Variants in B4GALT6 observed in about 807,000 individuals in gnomAD.
The protein encoded by B4GALT6 is beta-1,4-galactosyltransferase 6, also known as UDP-Gal:beta-GlcNAc beta-1,4-galactosyltransferase 6.
Under a neutral mutation model 46.3 loss-of-function variants are expected in B4GALT6, and 14 were observed. The ratio of observed to expected loss-of-function variants is 0.30; its 90% CI spans 0.20 to 0.47. The LOEUF (loss-of-function observed/expected upper bound fraction) is 0.47. Ranked by LOEUF, B4GALT6 falls within the 20% of genes least tolerant of loss-of-function variation. B4GALT6 has a pLI of 0.99. For synonymous variants in B4GALT6, 168 were observed against 162.0 expected, an observed-to-expected ratio of 1.04 and a Z score of -0.28; for missense variants, 386 against 480.1, an observed-to-expected ratio of 0.80 and a Z score of 1.83.
At chr18:31,681,866 C>T (rs2074483767) in intron 1 of B4GALT6, among the ~76,000 whole-genome samples, 1 of 152,184 alleles carries the variant, frequency 6.6e-6, no homozygotes, top group African/African-American at 2.4e-5. Flanking sequence ...TTACAACATA[C>T]ATTTTAGTCA....
At chr18:31,647,592 T>G (rs1020542586) in intron 3 of B4GALT6, among the ~76,000 whole-genome samples, 4 of 152,138 alleles carry the variant, frequency 2.6e-5, no homozygotes, top group Non-Finnish European at 5.9e-5. Context: ...GGTGGCATGC[T>G]ACCCATGATA....
At chr18:31,639,680 T>C (rs1191927808) in intron 4 of B4GALT6, among the ~76,000 whole-genome samples, 1 of 152,162 alleles carries the variant, frequency 6.6e-6, no homozygotes, top group Non-Finnish European at 1.5e-5. Context: ...CCAGAGAAAT[T>C]TGTTCTCATA....
chr18:31,692,475 T>C, the B4GALT6 span, among the ~76,000 whole-genome samples: 1 of 152,214 alleles, frequency 6.6e-6, no homozygotes, highest in South Asian at 2.1e-4. Context: ...TGAGCAATTT[T>C]CATACACTTT....
chr18:31,685,366 A>C (rs2074534840), upstream of B4GALT6, among the ~76,000 whole-genome samples: 1 of 151,572 alleles, frequency 6.6e-6, no homozygotes, highest in South Asian at 2.1e-4. Context: ...GTCTGGTTGG[A>C]GAAAGAGGCG....
At chr18:31,659,613 T>C (rs2074187185) in intron 2 of B4GALT6, among the ~76,000 whole-genome samples, 1 of 152,108 alleles carries the variant, frequency 6.6e-6, no homozygotes. Context: ...GGTGTTAAGG[T>C]AAATGCATTC....
chr18:31,628,544 A>G (rs1035179516), intron 6 of B4GALT6, among the ~76,000 whole-genome samples: 1 of 152,238 alleles, frequency 6.6e-6, no homozygotes, highest in Non-Finnish European at 1.5e-5. Flanking sequence ...CAGATAAACT[A>G]AAGAAGAGAA....
chr18:31,635,187 C>T (rs750044564), intron 5 of B4GALT6, among the ~76,000 whole-genome samples: 17 of 151,868 alleles, frequency 1.1e-4, no homozygotes, highest in African/African-American at 1.9e-4. Flanking sequence ...GCCGAGATCA[C>T]GCCACTGCAC....
At chr18:31,700,468 T>TGAGTGTGTGTGTGA in the B4GALT6 span, among the ~76,000 whole-genome samples, 118 of 148,388 alleles carry the variant, frequency 8.0e-4, no homozygotes, top group Admixed American at 1.3e-3. Flanking sequence ...TGTGTGTGTG[T>TGAGTGTGTGTGTGA]GAGAGAGAGA....
At chr18:31,635,970 A>G (rs2073853219) in intron 5 of B4GALT6, among the ~76,000 whole-genome samples, 5 of 152,230 alleles carry the variant, frequency 3.3e-5, no homozygotes. Context: ...GTAGAAACTG[A>G]CAAGCAGAGT....
chr18:31,721,088 T>G, the B4GALT6 span, among the ~76,000 whole-genome samples: 4 of 152,012 alleles, frequency 2.6e-5, no homozygotes, highest in Admixed American at 2.6e-4. Context: ...CAAGCTGCAC[T>G]TTAGGAAGTT....
chr18:31,684,592 G>C (rs1598940783), upstream of B4GALT6: 1 of 1,385,516 alleles, frequency 7.2e-7, no homozygotes, highest in East Asian at 2.8e-5. Context: ...GAAATGGGAG[G>C]GAGCGGACGG....
intron 5 of B4GALT6, 21 bp from the exon 6 acceptor site, chr18:31,631,167 GA>G (rs1376763973): frequency 6.6e-7 from 1 of 1,517,098 alleles, no homozygotes; most frequent in Non-Finnish European, 8.9e-7. Flanking sequence ...CAGACCGAGA[GA>G]AAAAAATAGA....
chr18:31,623,248 T>A lies in B4GALT6; in HGVS notation c.*2366A>T, dbSNP rs1372579644. ...AGATAAACGGGCACAGCTCTGTCAC[T>A]CTCACAGAAACATATTAAGTTCACT... On this transcript the variant is annotated 3_prime_UTR_variant, in exon 9 of 9. Coordinates refer to ENST00000306851, the MANE Select transcript of B4GALT6 (RefSeq NM_004775.5). 2.0e-5 allele frequency: 3 copies of A among 152,098 alleles called. No individual in the cohort carries two copies. Among genetic ancestry groups the A allele is most frequent in the African/African-American group, 7.2e-5 (3 of 41,424 alleles). 9.4% of individuals were successfully genotyped at this position (152,098 alleles called of 1,614,324 possible). A position where few individuals can be genotyped will look rare whatever the true frequency, so the allele number is the denominator to read the frequency against.
At position 31,666,326 on chromosome 18, in the gene B4GALT6, T is replaced by C; in HGVS notation, c.162A>G (p.Arg54=). ...TATGACCTATTGTTTTCACATTTTC[T>C]CTCAACATTATACCTCGAGCTTGTA... ...FMVQARGIML[R]ENVKTIGHMI... The change falls in exon 2 of 9, where the codon AGA becomes AGG. Residue 54 remains arginine, a synonymous_variant. Coordinates refer to ENST00000306851, the MANE Select transcript of B4GALT6 (RefSeq NM_004775.5). 6.2e-7 allele frequency: 1 copy of C among 1,610,936 alleles called. No homozygotes were observed. The highest frequency in any genetic ancestry group is 8.5e-7 in the Non-Finnish European group (1 of 1,178,298).
At chr18:31,691,160 A>C in the B4GALT6 span, among the ~76,000 whole-genome samples, 1 of 152,006 alleles carries the variant, frequency 6.6e-6, no homozygotes, top group South Asian at 2.1e-4. Flanking sequence ...AAATCTTTTA[A>C]AAAGTCATTT....
At chr18:31,627,805 T>C (rs1480069860) in intron 6 of B4GALT6, among the ~76,000 whole-genome samples, 1 of 152,258 alleles carries the variant, frequency 6.6e-6, no homozygotes, top group Non-Finnish European at 1.5e-5. Context: ...ACTATATTTT[T>C]ACTTAGCTAA....
the B4GALT6 span, among the ~76,000 whole-genome samples, chr18:31,703,365 A>G: frequency 6.6e-6 from 1 of 152,074 alleles, no homozygotes; most frequent in African/African-American, 2.4e-5. Flanking sequence ...TAAGTACAAG[A>G]TTTTTCAGTT....
chr18:31,644,091 T>C (rs989263142), intron 4 of B4GALT6, among the ~76,000 whole-genome samples: 1 of 152,220 alleles, frequency 6.6e-6, no homozygotes, highest in Non-Finnish European at 1.5e-5. Flanking sequence ...ATTCATTTGT[T>C]AAATGAATCT....
intron 3 of B4GALT6, among the ~76,000 whole-genome samples, chr18:31,654,660 A>G (rs1452746678): frequency 6.6e-6 from 1 of 152,224 alleles, no homozygotes; most frequent in Admixed American, 6.5e-5. Context: ...ACAACAGAAT[A>G]ATCAAATACA....
Sources: gnomAD v4.1 joint callset for allele counts (sites outside exome capture counted in the v4.1 genomes callset) on GRCh38, gnomAD v4.1.1 for gene constraint, MANE v1.5 for transcripts, NCBI Gene and HGNC (gene_info 2026-07-23, HGNC 2026-07-21) for gene names.